CBFA2T2: variants seen among roughly 807,000 people sequenced by gnomAD.
CBFA2T2 encodes the protein protein CBFA2T2.
CBFA2T2 carries 11 observed loss-of-function variants against 62.2 expected under a neutral mutation model. That is an observed-to-expected ratio of 0.18 (90% CI 0.11 to 0.29). The LOEUF (loss-of-function observed/expected upper bound fraction) is 0.29. Ranked by LOEUF, CBFA2T2 falls within the 10% of genes least tolerant of loss-of-function variation. CBFA2T2 has a pLI of 1.00. For synonymous variants in CBFA2T2, 295 were observed against 287.5 expected (o/e 1.03, Z -0.27); for missense variants, 592 against 774.1 (o/e 0.76, Z 2.79).
chr20:33,632,858 G>A (rs544382767), intron 8 of CBFA2T2, among the ~76,000 whole-genome samples: 92 of 152,136 alleles, frequency 6.0e-4, no homozygotes, highest in Non-Finnish European at 1.1e-3. Flanking sequence ...CCCCAGGTTC[G>A]AGCAGTTCTC....
intron 10 of CBFA2T2, among the ~76,000 whole-genome samples, chr20:33,642,846 CT>C (rs1471980249): frequency 1.3e-5 from 2 of 152,168 alleles, no homozygotes; most frequent in African/African-American, 4.8e-5. Flanking sequence ...GATCCTGGAT[CT>C]GGACTGCGTA....
intron 3 of CBFA2T2, among the ~76,000 whole-genome samples, chr20:33,612,259 G>C (rs551886057): frequency 1.3e-5 from 2 of 152,278 alleles, no homozygotes; most frequent in South Asian, 4.1e-4. Flanking sequence ...TTTATTCTCA[G>C]TGTTTATAAG....
At position 33,646,048 on chromosome 20, in the gene CBFA2T2, G is replaced by C. The variant is rs1168604216; in HGVS notation, c.*1402G>C. 3 of 152,136 alleles carry C rather than the reference G, an allele frequency of 2.0e-5. No homozygotes were observed. The highest frequency in any genetic ancestry group is 4.4e-5 in the Non-Finnish European group (3 of 68,058). The allele number at this position is 152,136 out of a possible 1,614,324, so 9.4% of individuals were successfully genotyped here. A position where few individuals can be genotyped will look rare whatever the true frequency, so the allele number is the denominator to read the frequency against. ...ACACAAAGTCTCACTCTGTTGCCCA[G>C]GCTGGAGTGCAGTGGCATGATCTTG... On this transcript the variant is annotated 3_prime_UTR_variant, in exon 11 of 11. Coordinates refer to ENST00000342704, the MANE Select transcript of CBFA2T2 (RefSeq NM_001032999.3).
At chr20:33,623,953 GGA>G in intron 5 of CBFA2T2, 4 of 425,654 alleles carry the variant, frequency 9.4e-6, no homozygotes, top group South Asian at 4.9e-5. Flanking sequence ...AGAAAGAATT[GGA>G]AAAAAAAAAA....
chr20:33,596,539 T>C (rs186537369), intron 1 of CBFA2T2, among the ~76,000 whole-genome samples: 10 of 152,310 alleles, frequency 6.6e-5, no homozygotes, highest in Non-Finnish European at 1.3e-4. Context: ...TTTCCCCTTA[T>C]TTCCTTGGCT....
At chr20:33,500,914 G>A (rs903375862) in intron 1 of CBFA2T2, among the ~76,000 whole-genome samples, 2 of 152,116 alleles carry the variant, frequency 1.3e-5, no homozygotes, top group Non-Finnish European at 2.9e-5. Context: ...GCAGATGATG[G>A]CAGTGAACAT....
intron 1 of CBFA2T2, among the ~76,000 whole-genome samples, chr20:33,514,654 C>G (rs981516164): frequency 6.6e-6 from 1 of 151,686 alleles, no homozygotes; most frequent in African/African-American, 2.4e-5. Context: ...GTGACATTAT[C>G]CCCTTTACCT....
chr20:33,585,675 A>G (rs544861751), intron 1 of CBFA2T2, among the ~76,000 whole-genome samples: 3 of 152,324 alleles, frequency 2.0e-5, no homozygotes, highest in African/African-American at 7.2e-5. Flanking sequence ...TCACTAATTG[A>G]ATGTTGGTAC....
intron 1 of CBFA2T2, among the ~76,000 whole-genome samples, chr20:33,536,407 G>A (rs1291804585): frequency 6.7e-6 from 1 of 150,256 alleles, no homozygotes; most frequent in Non-Finnish European, 1.5e-5. Flanking sequence ...CCCGGACAGG[G>A]TGGCTGGCCG....
At chr20:33,544,982 G>C (rs1470764933) in intron 1 of CBFA2T2, among the ~76,000 whole-genome samples, 2 of 149,572 alleles carry the variant, frequency 1.3e-5, no homozygotes, top group African/African-American at 5.0e-5. Context: ...GAATAGAATA[G>C]AATAGAATAG....
chr20:33,644,161 A>T (rs2016964800), intron 10 of CBFA2T2, among the ~76,000 whole-genome samples, 186 bp from the exon 11 acceptor site: 1 of 152,054 alleles, frequency 6.6e-6, no homozygotes, highest in Non-Finnish European at 1.5e-5. Context: ...CAGATGAAGG[A>T]AACTCAGAAA....
chr20:33,637,557 C>T (rs1326581573), intron 9 of CBFA2T2, among the ~76,000 whole-genome samples: 1 of 152,128 alleles, frequency 6.6e-6, no homozygotes, highest in Non-Finnish European at 1.5e-5. Context: ...CTTTAACCGT[C>T]CGTTATTGAC....
chr20:33,622,256 A>G (rs998430967), intron 4 of CBFA2T2, among the ~76,000 whole-genome samples: 14 of 152,182 alleles, frequency 9.2e-5, no homozygotes, highest in African/African-American at 3.4e-4. Flanking sequence ...CTGCTTTAAA[A>G]CAGTCACTAA....
chr20:33,532,920 A>G (rs1470547728), intron 1 of CBFA2T2, among the ~76,000 whole-genome samples: 1 of 152,096 alleles, frequency 6.6e-6, no homozygotes, highest in Non-Finnish European at 1.5e-5. Flanking sequence ...GTGTTTTGGA[A>G]CCGTGTTTCT....
At chr20:33,497,622 T>C (rs2011217855) in intron 1 of CBFA2T2, among the ~76,000 whole-genome samples, 2 of 148,596 alleles carry the variant, frequency 1.3e-5, no homozygotes, top group African/African-American at 5.0e-5. Context: ...TGATCTGGGC[T>C]CACTACAATC....
chr20:33,568,631 G>A (rs1281163635), intron 1 of CBFA2T2, among the ~76,000 whole-genome samples: 2 of 151,992 alleles, frequency 1.3e-5, no homozygotes, highest in African/African-American at 2.4e-5. Flanking sequence ...CTCTTCATCC[G>A]GCCTCGTCTG....
chr20:33,611,435 G>T lies in CBFA2T2; in HGVS notation c.420+100G>T, dbSNP rs929212080. On this transcript the variant is annotated intron_variant, in intron 3 of 10. Transcript: ENST00000342704. ...ATTTCTGCTCATTTTCAAACCCATG[G>T]TCATATGGCAAATGCTACAGACTAG... The T allele has an allele frequency of 6.5e-6, 9 of 1,389,634 alleles. No individual in the cohort carries two copies. In the African/African-American group the frequency reaches 1.1e-4, roughly 18 times the overall value. 86.1% of individuals were successfully genotyped at this position (1,389,634 alleles called of 1,614,324 possible).
chr20:33,538,614 C>T (rs2012328607), intron 1 of CBFA2T2, among the ~76,000 whole-genome samples: 1 of 152,196 alleles, frequency 6.6e-6, no homozygotes, highest in African/African-American at 2.4e-5. Flanking sequence ...AATCCACCCA[C>T]CTCGGCCTCC....
At chr20:33,611,776 A>G (rs1205271211) in intron 3 of CBFA2T2, among the ~76,000 whole-genome samples, 3 of 152,138 alleles carry the variant, frequency 2.0e-5, no homozygotes, top group Middle Eastern at 3.2e-3. Context: ...CGGCTTCCCA[A>G]AGTGCTGGGA....
Sources: allele counts gnomAD v4.1 joint callset (sites outside exome capture counted in the v4.1 genomes callset), GRCh38; gene constraint gnomAD v4.1.1; transcripts MANE v1.5; gene names NCBI Gene and HGNC (gene_info 2026-07-23, HGNC 2026-07-21).